Variants in UBAP2 observed in about 807,000 individuals in gnomAD.
UBAP2 encodes the protein ubiquitin-associated protein 2.
In UBAP2, 75 loss-of-function variants were observed where a neutral mutation model predicts 139.6. The ratio of observed to expected loss-of-function variants is 0.54; its 90% CI spans 0.45 to 0.65. UBAP2 has a LOEUF of 0.65. UBAP2 is among the 30% of genes least tolerant of loss of function. UBAP2 has a pLI of 0.00. For missense variants in UBAP2, 1,368 were observed against 1,369.6 expected, an observed-to-expected ratio of 1.00 and a Z score of 0.02; for synonymous variants, 526 against 526.2, an observed-to-expected ratio of 1.00 and a Z score of 0.01.
At chr9:34,046,829 C>G (rs1343323485) in intron 1 of UBAP2, among the ~76,000 whole-genome samples, 1 of 152,116 alleles carries the variant, frequency 6.6e-6, no homozygotes, top group Non-Finnish European at 1.5e-5. Context: ...CACACCATCA[C>G]ACCATTTCTC....
chr9:33,953,191 TAG>T, intron 12 of UBAP2, 92 bp downstream of exon 12: 1 of 1,224,278 alleles, frequency 8.2e-7, no homozygotes, highest in South Asian at 1.7e-5. Context: ...TTTTTATATT[TAG>T]AAAGTAATTA....
chr9:34,043,137 T>C (rs942968313), intron 1 of UBAP2, among the ~76,000 whole-genome samples: 2 of 152,160 alleles, frequency 1.3e-5, no homozygotes, highest in Non-Finnish European at 2.9e-5. Context: ...CAACTCTACA[T>C]GTTTTTATGC....
intron 10 of UBAP2, among the ~76,000 whole-genome samples, chr9:33,956,836 G>A (rs1826602830): frequency 6.6e-6 from 1 of 152,048 alleles, no homozygotes; most frequent in South Asian, 2.1e-4. Context: ...TTGAGAAGGT[G>A]GCCAGGAATG....
Position 34,011,242 on chromosome 9 carries a change from A to G in UBAP2, c.99+5808T>C, listed in dbSNP as rs551025428. Among the ~76,000 whole-genome samples, 8 of 152,266 alleles carry G rather than the reference A, an allele frequency of 5.3e-5. No individual in the cohort carries two copies. In the East Asian group the frequency reaches 1.4e-3, roughly 26 times the overall value. ...CATTCTGATACTGTTTCACCCATAC[A>G]TTTCTAACTATAAAGTCACTATTCA... On this transcript the variant is annotated intron_variant, in intron 2 of 28. Coordinates refer to ENST00000379238, the MANE Select transcript of UBAP2 (RefSeq NM_001370062.2).
chr9:33,923,507 T>G lies in UBAP2; in HGVS notation c.2797-29A>C, dbSNP rs551297536. On this transcript the variant is annotated intron_variant, in intron 24 of 28. Transcript: ENST00000379238. ...GGGGGGCAAGCAGATGAGGTATTAG[T>G]GTAGGAAGAGGCAAGCTGAGGCTGG... The G allele has an allele frequency of 1.9e-6, 3 of 1,609,354 alleles. No homozygotes were observed. The East Asian group carries it at 6.7e-5, about 36-fold the overall frequency.
At chr9:33,938,945 C>T in intron 16 of UBAP2, 1 of 450,920 alleles carries the variant, frequency 2.2e-6, no homozygotes, top group Non-Finnish European at 4.4e-6. Flanking sequence ...ATATTCCAGG[C>T]TGTGGAAGGG....
intron 6 of UBAP2, among the ~76,000 whole-genome samples, chr9:33,979,929 C>T (rs2764308): frequency 0.031 from 4,616 of 148,430 alleles, 158 homozygotes; most frequent in East Asian, 0.085. Flanking sequence ...AAAAATTAGC[C>T]GGGCATGGTG....
chr9:33,992,768 A>C (rs1057428584), intron 4 of UBAP2, among the ~76,000 whole-genome samples: 1 of 152,186 alleles, frequency 6.6e-6, no homozygotes, highest in Non-Finnish European at 1.5e-5. Context: ...CAAAGTATAC[A>C]CACATGCATA....
At chr9:33,995,395 AAT>A (rs901701283) in intron 4 of UBAP2, 6 of 137,422 alleles carry the variant, frequency 4.4e-5, no homozygotes, top group African/African-American at 1.3e-4. Flanking sequence ...ATTAAATATA[AAT>A]ATATATATAA....
intron 1 of UBAP2, among the ~76,000 whole-genome samples, chr9:34,024,073 A>C (rs1825194827): frequency 6.6e-6 from 1 of 150,662 alleles, no homozygotes; most frequent in South Asian, 2.1e-4. Context: ...AATAGCAAAT[A>C]CAAGGATGGG....
At chr9:33,967,745 G>A (rs2131037400) in intron 8 of UBAP2, among the ~76,000 whole-genome samples, 1 of 152,132 alleles carries the variant, frequency 6.6e-6, no homozygotes, top group African/African-American at 2.4e-5. Context: ...AGTTAAAGGG[G>A]CTGTAAAAAA....
intron 1 of UBAP2, among the ~76,000 whole-genome samples, chr9:34,027,020 C>T (rs1825455368): frequency 6.6e-6 from 1 of 152,078 alleles, no homozygotes; most frequent in Non-Finnish European, 1.5e-5. Flanking sequence ...TTTCAGATAC[C>T]CATATGTTCT....
chr9:34,025,969 T>C (rs1368767269), intron 1 of UBAP2, among the ~76,000 whole-genome samples: 2 of 152,220 alleles, frequency 1.3e-5, no homozygotes. Context: ...TAGACTTAAC[T>C]GAAAATGGTT....
At chr9:34,044,524 A>G (rs1827397051) in intron 1 of UBAP2, among the ~76,000 whole-genome samples, 2 of 151,908 alleles carry the variant, frequency 1.3e-5, no homozygotes, top group African/African-American at 2.4e-5. Context: ...AAGGCACCAC[A>G]GCACTCCAGC....
intron 2 of UBAP2, among the ~76,000 whole-genome samples, chr9:34,008,596 T>G (rs555313266): frequency 1.3e-5 from 2 of 148,800 alleles, no homozygotes; most frequent in African/African-American, 2.5e-5. Flanking sequence ...AAAATCAAAA[T>G]GCAACAGAGA....
chr9:34,029,284 T>G (rs1299577373), intron 1 of UBAP2, among the ~76,000 whole-genome samples: 2 of 152,120 alleles, frequency 1.3e-5, no homozygotes, highest in Non-Finnish European at 2.9e-5. Flanking sequence ...TCCAGCACTT[T>G]GGGAGGCTGA....
intron 19 of UBAP2, among the ~76,000 whole-genome samples, chr9:33,931,186 A>G (rs1041859741): frequency 2.0e-5 from 3 of 152,170 alleles, no homozygotes; most frequent in Non-Finnish European, 2.9e-5. Flanking sequence ...AAACACCCAT[A>G]TTTGGAAGGC....
intron 18 of UBAP2, among the ~76,000 whole-genome samples, chr9:33,932,896 A>C (rs893972914): frequency 6.6e-6 from 1 of 152,154 alleles, no homozygotes; most frequent in Admixed American, 6.5e-5. Context: ...GTGAAGACAG[A>C]GTTGCACTAA....
intron 1 of UBAP2, among the ~76,000 whole-genome samples, chr9:34,031,612 T>C (rs181615569): frequency 2.0e-5 from 3 of 151,828 alleles, no homozygotes; most frequent in African/African-American, 7.3e-5. Context: ...CGGCCTTAAC[T>C]TGCTTTCCTA....
Sources: allele counts gnomAD v4.1 joint callset (sites outside exome capture counted in the v4.1 genomes callset), GRCh38; gene constraint gnomAD v4.1.1; transcripts MANE v1.5; gene names NCBI Gene and HGNC (gene_info 2026-07-23, HGNC 2026-07-21).